The following USP10 variants were observed in gnomAD, a reference collection of about 807,000 sequenced individuals.
The protein encoded by USP10 is ubiquitin carboxyl-terminal hydrolase 10.
USP10 carries 22 observed loss-of-function variants against 84.5 expected under a neutral mutation model. The observed-to-expected ratio is 0.26, with a 90% CI of 0.19 to 0.37. USP10 has a LOEUF of 0.37. Among genes scored for constraint, USP10 ranks in the 10% least tolerant of loss-of-function variants. The pLI is 1.00. For missense variants in USP10, 1,019 were observed against 998.9 expected (o/e 1.02, Z -0.27); for synonymous variants, 454 against 387.6 (o/e 1.17, Z -2.01).
At chr16:84,700,286 G>A (rs868212211) in intron 1 of USP10, among the ~76,000 whole-genome samples, 175 bp downstream of exon 1, 1 of 151,888 alleles carries the variant, frequency 6.6e-6, no homozygotes, top group Non-Finnish European at 1.5e-5. Flanking sequence ...CGCCCGCCGC[G>A]CCTTCGTCCC....
intron 4 of USP10, among the ~76,000 whole-genome samples, chr16:84,750,179 G>C (rs1911749033): frequency 1.3e-5 from 2 of 152,096 alleles, no homozygotes; most frequent in South Asian, 4.1e-4. Context: ...AGGTTGAGGT[G>C]GGTGGATCCC....
intron 1 of USP10, among the ~76,000 whole-genome samples, chr16:84,700,802 G>A (rs1251573667): frequency 6.6e-6 from 1 of 152,140 alleles, no homozygotes; most frequent in Non-Finnish European, 1.5e-5. Flanking sequence ...AGTAGCTAAA[G>A]CTTGGGGGCC....
chr16:84,745,968 C>T (rs1007525079), intron 4 of USP10, among the ~76,000 whole-genome samples: 6 of 152,160 alleles, frequency 3.9e-5, no homozygotes, highest in South Asian at 2.1e-4. Flanking sequence ...TTCTGCTCCA[C>T]GGTATGAATG....
intron 2 of USP10, among the ~76,000 whole-genome samples, chr16:84,734,398 C>A (rs906215026): frequency 6.6e-6 from 1 of 152,186 alleles, no homozygotes; most frequent in Non-Finnish European, 1.5e-5. Context: ...ATTTCATTCT[C>A]TTCACGTCTG....
chr16:84,700,771 A>T (rs1449858405), intron 1 of USP10, among the ~76,000 whole-genome samples: 1 of 152,084 alleles, frequency 6.6e-6, no homozygotes. Context: ...CAGGCTGACA[A>T]CTAACGCACC....
At chr16:84,724,241 G>T (rs1259092689) in intron 1 of USP10, among the ~76,000 whole-genome samples, 1 of 152,134 alleles carries the variant, frequency 6.6e-6, no homozygotes, top group Admixed American at 6.5e-5. Context: ...TGGAAAGTTG[G>T]TAAAAGTGGG....
At chr16:84,774,460 A>G (rs903683064) in intron 12 of USP10, among the ~76,000 whole-genome samples, 1 of 151,264 alleles carries the variant, frequency 6.6e-6, no homozygotes, top group African/African-American at 2.4e-5. Context: ...TCTGTAACTG[A>G]AGTTTTGTTT....
intron 1 of USP10, among the ~76,000 whole-genome samples, chr16:84,700,710 C>G (rs1020459909): frequency 6.6e-6 from 1 of 152,194 alleles, no homozygotes; most frequent in African/African-American, 2.4e-5. Flanking sequence ...TCGCAAGGAC[C>G]GTACTTTCAC....
At chr16:84,750,442 G>C (rs565647848) in intron 4 of USP10, among the ~76,000 whole-genome samples, 4 of 151,436 alleles carry the variant, frequency 2.6e-5, no homozygotes, top group Non-Finnish European at 5.9e-5. Flanking sequence ...AATAGCTTGT[G>C]TTTGAAAGTA....
At chr16:84,766,196 C>G (rs151001048) in intron 10 of USP10, among the ~76,000 whole-genome samples, 1 of 152,382 alleles carries the variant, frequency 6.6e-6, no homozygotes, top group East Asian at 1.9e-4. Flanking sequence ...CTGACGCCCT[C>G]AGAAGCTGGT....
intron 1 of USP10, among the ~76,000 whole-genome samples, chr16:84,718,941 C>T (rs1451533917): frequency 2.0e-5 from 3 of 151,448 alleles, no homozygotes; most frequent in Non-Finnish European, 4.4e-5. Context: ...TACAGGCGCC[C>T]GCCACCGCAC....
chr16:84,755,082 G>T (rs1178555276), intron 4 of USP10, among the ~76,000 whole-genome samples: 1 of 151,658 alleles, frequency 6.6e-6, no homozygotes, highest in Admixed American at 6.6e-5. Context: ...AGTGGAGTTA[G>T]CCTCGTCATA....
intron 4 of USP10, among the ~76,000 whole-genome samples, chr16:84,752,067 T>C (rs536137776): frequency 6.6e-6 from 1 of 152,330 alleles, no homozygotes; most frequent in South Asian, 2.1e-4. Flanking sequence ...CATTTTTCTG[T>C]ATGTCAGCAG....
chr16:84,731,193 A>G (rs35791148), intron 1 of USP10, among the ~76,000 whole-genome samples: 73,250 of 151,006 alleles, frequency 0.49, 19,702 homozygotes, highest in Non-Finnish European at 0.62. Flanking sequence ...GTTAGCCAGG[A>G]TGGTCTCGAT....
chr16:84,742,077 T>C lies in USP10; in HGVS notation c.151+1708T>C, dbSNP rs116502067. On this transcript the variant is annotated intron_variant, in intron 3 of 13. Coordinates refer to ENST00000219473, the MANE Select transcript of USP10 (RefSeq NM_005153.3). Reference sequence around the variant, plus strand: ...TTTCTATTTTTGTGTTTTTTAATTTTTTTATATTTTAATTTTTGTAGGTAC... The same window carrying C: ...TTTCTATTTTTGTGTTTTTTAATTTCTTTATATTTTAATTTTTGTAGGTAC... 3.2e-3 allele frequency among the ~76,000 whole-genome samples: 493 copies of C among 152,336 alleles called. 1 individual carries two copies. Among genetic ancestry groups the C allele is most frequent in the Middle Eastern group, 0.02 (6 of 294 alleles).
chr16:84,748,378 A>G (rs1911504527), intron 4 of USP10, among the ~76,000 whole-genome samples: 1 of 151,870 alleles, frequency 6.6e-6, no homozygotes, highest in Non-Finnish European at 1.5e-5. Flanking sequence ...ATCTCGGCTC[A>G]CTGCAACCTT....
intron 1 of USP10, among the ~76,000 whole-genome samples, chr16:84,714,048 C>T (rs1021040756): frequency 2.4e-4 from 37 of 152,168 alleles, no homozygotes; most frequent in African/African-American, 8.9e-4. Flanking sequence ...TCCTGGGCAC[C>T]AGAATAGTAA....
intron 12 of USP10, among the ~76,000 whole-genome samples, chr16:84,774,875 T>C (rs1284816252): frequency 6.6e-6 from 1 of 152,222 alleles, no homozygotes; most frequent in Non-Finnish European, 1.5e-5. Flanking sequence ...TCTTTTCCAT[T>C]TTGTAGAGCA....
intron 1 of USP10, among the ~76,000 whole-genome samples, chr16:84,705,398 ATTG>A (rs927420727): frequency 6.6e-6 from 1 of 151,902 alleles, no homozygotes; most frequent in Admixed American, 6.6e-5. Context: ...TGCCCAGCTA[ATTG>A]TTTGTATTTT....
Sources: gnomAD v4.1 joint callset for allele counts (sites outside exome capture counted in the v4.1 genomes callset) on GRCh38, gnomAD v4.1.1 for gene constraint, MANE v1.5 for transcripts, NCBI Gene and HGNC (gene_info 2026-07-23, HGNC 2026-07-21) for gene names.